Variants in RPA2 observed in about 807,000 individuals in gnomAD.
The protein encoded by RPA2 is replication protein A2, also known as replication protein A 32 kDa subunit.
RPA2 carries 22 observed loss-of-function variants against 33.4 expected under a neutral mutation model. The observed-to-expected ratio is 0.66, with a 90% CI of 0.47 to 0.94. The LOEUF (loss-of-function observed/expected upper bound fraction) is 0.94, where lower values mean the gene tolerates loss of function less well. RPA2 is among the 40% of genes least tolerant of loss of function. The pLI is 0.00. For synonymous variants in RPA2, 109 were observed against 114.9 expected, an observed-to-expected ratio of 0.95 and a Z score of 0.33; for missense variants, 279 against 329.9, an observed-to-expected ratio of 0.85 and a Z score of 1.19.
At chr1:27,906,831 ATTATTT>A (rs2090034678) in intron 4 of RPA2, 91 bp downstream of exon 4, 3 of 775,268 alleles carry the variant, frequency 3.9e-6, no homozygotes, top group East Asian at 2.7e-5. Context: ...GTCTTTTTGT[ATTATTT>A]TTATAAGAAA....
intron 8 of RPA2, among the ~76,000 whole-genome samples, chr1:27,893,247 A>G (rs996355845): frequency 6.6e-6 from 1 of 152,174 alleles, no homozygotes; most frequent in Non-Finnish European, 1.5e-5. Flanking sequence ...ATTTTGGCCC[A>G]TAGTCTTTTT....
At chr1:27,896,154 T>C (rs28904892) in intron 6 of RPA2, among the ~76,000 whole-genome samples, 2,231 of 152,286 alleles carry the variant, frequency 0.015, 65 homozygotes, top group African/African-American at 0.05. Flanking sequence ...ACTAGAATGA[T>C]TGGGACTATC....
chr1:27,893,861 G>A (rs2089855989), intron 8 of RPA2, 151 bp downstream of exon 8: 3 of 585,738 alleles, frequency 5.1e-6, no homozygotes, highest in Non-Finnish European at 9.0e-6. Context: ...CACCTGCCTC[G>A]GCCTCCCAAA....
intron 2 of RPA2, among the ~76,000 whole-genome samples, chr1:27,910,970 CTT>C (rs1393385664): frequency 6.6e-6 from 1 of 152,126 alleles, no homozygotes; most frequent in East Asian, 1.9e-4. Context: ...AATCCCAACA[CTT>C]TGGGAGGCCA....
chr1:27,899,291 G>C (rs566826045), intron 4 of RPA2, among the ~76,000 whole-genome samples: 17 of 151,902 alleles, frequency 1.1e-4, no homozygotes, highest in Admixed American at 2.0e-4. Context: ...GGCGGATCAC[G>C]AGGTCAGGAG....
intron 4 of RPA2, 60 bp from the exon 5 acceptor site, chr1:27,897,767 AC>A (rs1423523972): frequency 1.6e-6 from 2 of 1,227,376 alleles, no homozygotes; most frequent in Admixed American, 4.5e-5. Context: ...AGCCTCTTTA[AC>A]GTTTCTATAT....
intron 4 of RPA2, among the ~76,000 whole-genome samples, chr1:27,906,270 G>C (rs976347046): frequency 1.3e-5 from 2 of 151,970 alleles, no homozygotes; most frequent in Non-Finnish European, 2.9e-5. Flanking sequence ...GGGAGGCTGA[G>C]GCAGGAGAAC....
At chr1:27,902,759 T>TAA (rs28904874) in intron 4 of RPA2, among the ~76,000 whole-genome samples, 1 of 146,622 alleles carries the variant, frequency 6.8e-6, no homozygotes, top group African/African-American at 2.5e-5. Context: ...GCCTATTTCT[T>TAA]AAAAAAAAAA....
At chr1:27,903,616 G>A (rs1435826213) in intron 4 of RPA2, among the ~76,000 whole-genome samples, 1 of 151,734 alleles carries the variant, frequency 6.6e-6, no homozygotes, top group East Asian at 1.9e-4. Context: ...CTACTCGAGA[G>A]GCTGAGGCAG....
At position 27,897,400 on chromosome 1, in the gene RPA2, C is replaced by T. The variant is rs886445661; in HGVS notation, c.408+233G>A. Among the ~76,000 whole-genome samples the T allele has an allele frequency of 2.6e-5, 4 of 151,276 alleles. No homozygotes were observed. The South Asian group carries it at 6.3e-4, about 24-fold the overall frequency. On this transcript the variant is annotated intron_variant, in intron 5 of 8. Transcript: ENST00000373912. ...TGTTCTCCTTTCTCCAACTAATGAACGCCACAGATAGCAATTGTAGAAGGA... is the reference window on the plus strand; with the variant it reads ...TGTTCTCCTTTCTCCAACTAATGAATGCCACAGATAGCAATTGTAGAAGGA...
chr1:27,896,212 T>A (rs1181357991), intron 6 of RPA2, among the ~76,000 whole-genome samples: 13 of 152,330 alleles, frequency 8.5e-5, no homozygotes, highest in African/African-American at 3.1e-4. Context: ...TTATTTTTTT[T>A]TGAGACAAGG....
chr1:27,914,245 G>A (rs1008575893), intron 1 of RPA2, 76 bp from the exon 2 acceptor site: 8 of 1,599,172 alleles, frequency 5.0e-6, no homozygotes, highest in Non-Finnish European at 6.0e-6. Flanking sequence ...CGGAGGCTTC[G>A]CCCCTTCAAA....
chr1:27,904,920 G>C (rs2090009853), intron 4 of RPA2, among the ~76,000 whole-genome samples: 1 of 152,102 alleles, frequency 6.6e-6, no homozygotes, highest in South Asian at 2.1e-4. Context: ...CCAAAGTGCT[G>C]GGATTACGGG....
At chr1:27,902,952 T>TG (rs1390550611) in intron 4 of RPA2, among the ~76,000 whole-genome samples, 1 of 152,164 alleles carries the variant, frequency 6.6e-6, no homozygotes, top group East Asian at 1.9e-4. Context: ...TTTTTTGAGA[T>TG]GGAGTTTTGC....
At chr1:27,905,917 A>AGGTCACCATTTTTATGATGACCG (rs1218333398) in intron 4 of RPA2, among the ~76,000 whole-genome samples, 43 of 66,416 alleles carry the variant, frequency 6.5e-4, no homozygotes, top group African/African-American at 1.6e-3. Context: ...GTGAGCCACC[A>AGGTCACCATTTTTATGATGACCG]TGCCAAGCCA....
chr1:27,904,303 G>A (rs979581092), intron 4 of RPA2, among the ~76,000 whole-genome samples: 9 of 152,212 alleles, frequency 5.9e-5, no homozygotes, highest in Non-Finnish European at 8.8e-5. Flanking sequence ...TGCAGAGACA[G>A]ATGTCTGAAA....
intron 2 of RPA2, among the ~76,000 whole-genome samples, chr1:27,908,439 T>C (rs1163535206): frequency 1.3e-5 from 2 of 151,960 alleles, no homozygotes; most frequent in East Asian, 3.9e-4. Context: ...ATGTTGGACG[T>C]CTTAGGGGGA....
intron 8 of RPA2, 50 bp downstream of exon 8, chr1:27,893,962 T>G: frequency 2.0e-6 from 3 of 1,487,926 alleles, no homozygotes; most frequent in Non-Finnish European, 2.8e-6. Flanking sequence ...CCTTGTGAGG[T>G]GAAATAGGTA....
chr1:27,892,123 GTCCAGCTGTAAAATATC>G lies in RPA2; in HGVS notation c.*23_*39del, dbSNP rs776882972. 73 of 1,527,810 alleles carry G rather than the reference GTCCAGCTGTAAAATATC, an allele frequency of 4.8e-5. No individual in the cohort carries two copies. The highest frequency in any genetic ancestry group is 6.1e-5 in the Non-Finnish European group (67 of 1,103,456). 94.6% of individuals were successfully genotyped at this position (1,527,810 alleles called of 1,614,324 possible). A position where few individuals can be genotyped will look rare whatever the true frequency, so the allele number is the denominator to read the frequency against. ...TGGAGACAACAGATTGTGAAACTAG[GTCCAGCTGTAAAATATC>G]TCAGGTACCCAGTTAGATCCAGTTA... On this transcript the variant is annotated 3_prime_UTR_variant, in exon 9 of 9. Coordinates refer to ENST00000373912, the MANE Select transcript of RPA2 (RefSeq NM_002946.5).
Sources: allele counts gnomAD v4.1 joint callset (sites outside exome capture counted in the v4.1 genomes callset), GRCh38; gene constraint gnomAD v4.1.1; transcripts MANE v1.5; gene names NCBI Gene and HGNC (gene_info 2026-07-23, HGNC 2026-07-21).